The following LDLRAD3 variants were observed in gnomAD, a reference collection of about 807,000 sequenced individuals.
LDLRAD3 encodes low density lipoprotein receptor class A domain containing 3, also known as low-density lipoprotein receptor class A domain-containing protein 3.
In LDLRAD3, 20 loss-of-function variants were observed where a neutral mutation model predicts 29.4. The observed-to-expected ratio is 0.68, with a 90% CI of 0.48 to 0.99. LDLRAD3 has a LOEUF of 0.99. LDLRAD3 is among the 50% of genes least tolerant of loss of function. LDLRAD3 has a pLI of 0.00. For synonymous variants in LDLRAD3, 157 were observed against 192.7 expected, an observed-to-expected ratio of 0.81 and a Z score of 1.53; for missense variants, 420 against 454.3, an observed-to-expected ratio of 0.92 and a Z score of 0.69.
intron 2 of LDLRAD3, among the ~76,000 whole-genome samples, chr11:36,072,138 A>T (rs1852915914): frequency 6.6e-6 from 1 of 152,166 alleles, no homozygotes; most frequent in Admixed American, 6.5e-5. Flanking sequence ...GTGGGAGGTG[A>T]GCAGGGGTTG....
chr11:36,145,370 T>C (rs377501403), intron 4 of LDLRAD3, among the ~76,000 whole-genome samples: 39 of 71,612 alleles, frequency 5.4e-4, no homozygotes, highest in African/African-American at 1.3e-3. Flanking sequence ...CCGCCCCGTC[T>C]GGGAGGGAGG....
In LDLRAD3 at chr11:35,944,126, C is replaced by T. The variant is rs1316039861; in HGVS notation, c.28C>T (p.Leu10=). MWLLGPLCL[L]LSSAAESQLL... is the part of the protein sequence containing the mutation. ...GTGGCTGCTGGGGCCGCTGTGCCTG[C>T]TGCTGAGCAGCGCCGCGGGTGAGTC... The change falls in exon 1 of 6, where the codon CTG becomes TTG. Residue 10 remains leucine, a synonymous_variant. Transcript: ENST00000315571. This position sits in a 1 kb window ranked among gnomAD's most constrained non-coding sequence, Gnocchi z 4.9. 1.9e-6 allele frequency: 2 copies of T among 1,057,766 alleles called. No individual in the cohort carries two copies. The highest frequency in any genetic ancestry group is 3.4e-5 in the African/African-American group (2 of 58,684). 65.5% of individuals were successfully genotyped at this position (1,057,766 alleles called of 1,614,324 possible). A position where few individuals can be genotyped will look rare whatever the true frequency, so the allele number is the denominator to read the frequency against.
intron 4 of LDLRAD3, among the ~76,000 whole-genome samples, chr11:36,205,102 CCA>C (rs1855187620): frequency 6.6e-6 from 1 of 152,178 alleles, no homozygotes; most frequent in African/African-American, 2.4e-5. Flanking sequence ...AGCTGGGACT[CCA>C]GCGCCATGTT....
chr11:36,153,149 C>T lies in LDLRAD3; in HGVS notation c.454+54688C>T, dbSNP rs372220593. ...TTAATGGCTTCGGGTTCTTGGAGGA[C>T]GCCGAGAGATGCCCAGCATAGTCGG... On this transcript the variant is annotated intron_variant, in intron 4 of 5. Transcript: ENST00000315571. 5.3e-5 allele frequency among the ~76,000 whole-genome samples: 8 copies of T among 151,912 alleles called. No homozygotes were observed. In the East Asian group the frequency reaches 9.6e-4, roughly 18 times the overall value.
At chr11:36,009,196 C>T (rs1160928788) in intron 1 of LDLRAD3, among the ~76,000 whole-genome samples, 1 of 152,216 alleles carries the variant, frequency 6.6e-6, no homozygotes, top group Admixed American at 6.5e-5. Flanking sequence ...TTCTACCTTT[C>T]TCTTCCTGGA....
intron 2 of LDLRAD3, among the ~76,000 whole-genome samples, chr11:36,076,464 G>A (rs1853004723): frequency 2.0e-5 from 3 of 151,674 alleles, no homozygotes; most frequent in African/African-American, 7.3e-5. Context: ...TCAGCTCACT[G>A]CAACCTCCAC....
At chr11:36,144,008 C>T (rs959312653) in intron 4 of LDLRAD3, among the ~76,000 whole-genome samples, 7 of 148,504 alleles carry the variant, frequency 4.7e-5, no homozygotes, top group African/African-American at 9.9e-5. Context: ...GCTGCCATCT[C>T]GGCTCACTGC....
At chr11:36,226,968 A>G (rs916760657) in intron 4 of LDLRAD3, 117 bp from the exon 5 acceptor site, 5 of 800,966 alleles carry the variant, frequency 6.2e-6, no homozygotes, top group African/African-American at 3.5e-5. Flanking sequence ...CTTTTTGGCT[A>G]TTGTGAATAG....
intron 4 of LDLRAD3, among the ~76,000 whole-genome samples, chr11:36,108,372 TAAAATGTA>T: frequency 7.2e-6 from 1 of 138,806 alleles, no homozygotes; most frequent in South Asian, 2.4e-4. Flanking sequence ...TTCAGAATGT[TAAAATGTA>T]AAATAAAAAT....
intron 2 of LDLRAD3, among the ~76,000 whole-genome samples, chr11:36,058,326 C>T (rs1852651185): frequency 1.3e-5 from 2 of 152,190 alleles, no homozygotes. Context: ...CAAAGAGCCA[C>T]GTCTTCCTTC....
intron 1 of LDLRAD3, among the ~76,000 whole-genome samples, chr11:35,990,694 G>T (rs1167656969): frequency 6.6e-6 from 1 of 151,876 alleles, no homozygotes; most frequent in Non-Finnish European, 1.5e-5. Flanking sequence ...GGGATTACAG[G>T]TGTAAGCCAC....
intron 1 of LDLRAD3, among the ~76,000 whole-genome samples, chr11:35,996,070 T>A (rs1851750467): frequency 6.6e-6 from 1 of 152,260 alleles, no homozygotes; most frequent in South Asian, 2.1e-4. Context: ...GAACTTTTCC[T>A]TTGCATTCAT....
chr11:36,074,323 T>C (rs774088593), intron 2 of LDLRAD3, among the ~76,000 whole-genome samples: 1 of 152,068 alleles, frequency 6.6e-6, no homozygotes, highest in African/African-American at 2.4e-5. Flanking sequence ...AAAAGAAGGC[T>C]GAGGGTTAGA....
chr11:36,038,418 C>G (rs1333244918), intron 2 of LDLRAD3, among the ~76,000 whole-genome samples: 1 of 152,156 alleles, frequency 6.6e-6, no homozygotes, highest in Non-Finnish European at 1.5e-5. Flanking sequence ...ATTTCAACTT[C>G]GGCACATACG....
chr11:35,971,432 G>T (rs1851411085), intron 1 of LDLRAD3, among the ~76,000 whole-genome samples: 1 of 145,946 alleles, frequency 6.9e-6, no homozygotes, highest in East Asian at 1.9e-4. Flanking sequence ...TACCTGTTAG[G>T]CTGTTAGGAT....
At chr11:36,138,169 C>G (rs369236051) in intron 4 of LDLRAD3, among the ~76,000 whole-genome samples, 5 of 152,208 alleles carry the variant, frequency 3.3e-5, no homozygotes, top group African/African-American at 1.2e-4. Context: ...AACATGGGCT[C>G]TGGATTCAGA....
intron 4 of LDLRAD3, among the ~76,000 whole-genome samples, chr11:36,169,687 T>C (rs1471410151): frequency 6.6e-6 from 1 of 152,228 alleles, no homozygotes; most frequent in Non-Finnish European, 1.5e-5. Flanking sequence ...CCACATTTTC[T>C]TTATCTATTC....
At chr11:36,168,693 T>G (rs1478636671) in intron 4 of LDLRAD3, among the ~76,000 whole-genome samples, 2 of 152,112 alleles carry the variant, frequency 1.3e-5, no homozygotes, top group Non-Finnish European at 2.9e-5. Context: ...GTGTGTGTGT[T>G]AGAGCCGAAG....
intron 1 of LDLRAD3, among the ~76,000 whole-genome samples, chr11:36,004,977 T>C (rs1851866465): frequency 6.6e-6 from 1 of 152,200 alleles, no homozygotes; most frequent in African/African-American, 2.4e-5. Flanking sequence ...TCCTGGGCCC[T>C]GCTCACAAAA....
Sources: allele counts gnomAD v4.1 joint callset (sites outside exome capture counted in the v4.1 genomes callset), GRCh38; gene constraint gnomAD v4.1.1; non-coding constraint Gnocchi (gnomAD v3.1); transcripts MANE v1.5; gene names NCBI Gene and HGNC (gene_info 2026-07-23, HGNC 2026-07-21).